The following BEND3 variants were observed in gnomAD, a reference collection of about 807,000 sequenced individuals.
BEND3 encodes BEN domain-containing protein 3.
BEND3 carries 13 observed loss-of-function variants against 60.1 expected under a neutral mutation model. The ratio of observed to expected loss-of-function variants is 0.22; its 90% CI spans 0.14 to 0.34. BEND3 has a LOEUF of 0.34. Ranked by LOEUF, BEND3 falls within the 10% of genes least tolerant of loss-of-function variation. The pLI, the probability that BEND3 is intolerant of heterozygous loss-of-function variation, is 1.00. For synonymous variants in BEND3, 497 were observed against 491.5 expected, an observed-to-expected ratio of 1.01 and a Z score of -0.15; for missense variants, 896 against 1,138.1, an observed-to-expected ratio of 0.79 and a Z score of 3.06.
intron 3 of BEND3, among the ~76,000 whole-genome samples, chr6:107,085,509 T>C (rs1775326309): frequency 1.3e-5 from 2 of 152,158 alleles, no homozygotes; most frequent in African/African-American, 4.8e-5. Flanking sequence ...TATTTTTTTT[T>C]GAGAGAGAGT....
At chr6:107,097,815 A>AC (rs1775619754) in intron 3 of BEND3, among the ~76,000 whole-genome samples, 2 of 148,132 alleles carry the variant, frequency 1.4e-5, no homozygotes, top group African/African-American at 2.5e-5. Context: ...AAAAAAAAAA[A>AC]CCCCAACAAA....
At position 107,098,707 on chromosome 6, in the gene BEND3, A is replaced by T; in HGVS notation, c.84T>A (p.Ala28=). ...TVKVETEAED[A]ALDCSVNSRT... is the part of the protein sequence containing the mutation. Reference sequence around the variant, plus strand: ...TGGAATTCACGGAGCAGTCCAGAGCAGCATCTTCAGCCTCTGTCTCCACTT... The same window carrying T: ...TGGAATTCACGGAGCAGTCCAGAGCTGCATCTTCAGCCTCTGTCTCCACTT... Residue 28 remains alanine (A), a synonymous_variant, in exon 3 of 4, where the codon GCT becomes GCA. Coordinates refer to ENST00000369042, the MANE Select transcript of BEND3 (RefSeq NM_001367314.1). 1 of 1,614,144 alleles carries T rather than the reference A, an allele frequency of 6.2e-7. No homozygotes were observed. Among genetic ancestry groups the T allele is most frequent in the Non-Finnish European group, 8.5e-7 (1 of 1,180,032 alleles).
At chr6:107,100,968 G>A (rs1554236695) in intron 1 of BEND3, among the ~76,000 whole-genome samples, 1 of 152,158 alleles carries the variant, frequency 6.6e-6, no homozygotes, top group African/African-American at 2.4e-5. Context: ...TTGGGAGGCT[G>A]GGGTGGGCGA....
rs781838237 is a variant in BEND3, at chr6:107,069,199, G to A, written c.1992C>T (p.Gly664=). The part of the protein sequence containing the change: ...YQQQRKVHVP[G]PECRDLTSYA... ...AGCTGGTCAAGTCTCTGCACTCAGG[G>A]CCCGGCACGTGGACCTTGCGCTGCT... Residue 664 remains glycine (G), a synonymous_variant, in exon 4 of 4, where the codon GGC becomes GGT. Coordinates refer to ENST00000369042, the MANE Select transcript of BEND3 (RefSeq NM_001367314.1). The A allele has an allele frequency of 1.9e-6, 3 of 1,612,488 alleles. No homozygotes were observed. The highest frequency in any genetic ancestry group is 2.5e-6 in the Non-Finnish European group (3 of 1,180,018).
At chr6:107,083,906 A>T (rs564493529) in intron 3 of BEND3, among the ~76,000 whole-genome samples, 1 of 152,330 alleles carries the variant, frequency 6.6e-6, no homozygotes, top group East Asian at 1.9e-4. Flanking sequence ...TTGGCAACAC[A>T]GCGAGACCCT....
intron 3 of BEND3, among the ~76,000 whole-genome samples, chr6:107,087,673 G>A (rs1775381122): frequency 1.3e-5 from 2 of 151,708 alleles, no homozygotes; most frequent in South Asian, 4.1e-4. Context: ...GGAGGCGGAG[G>A]TTGCAGTGAG....
At position 107,098,647 on chromosome 6, in the gene BEND3, G is replaced by A. The variant is rs148612439; in HGVS notation, c.144C>T (p.Leu48=). ...TSEKHSVDSV[L]TALQDSSKRK... is the part of the protein sequence containing the mutation. ...GTTTGCTGGAGTCCTGCAGGGCAGT[G>A]AGGACGCTGTCCACAGAGTGCTTCT... The change falls in exon 3 of 4, where the codon CTC becomes CTT. Residue 48 remains leucine, a synonymous_variant. Coordinates refer to ENST00000369042, the MANE Select transcript of BEND3 (RefSeq NM_001367314.1). 1.3e-4 allele frequency: 210 copies of A among 1,614,040 alleles called. 1 individual carries two copies. In the African/African-American group the frequency reaches 2.3e-3, roughly 18 times the overall value.
In BEND3 at chr6:107,115,481, G is replaced by T. The variant is rs1482550970; in HGVS notation, c.-403C>A. On this transcript the variant is annotated 5_prime_UTR_variant, in exon 1 of 4. Coordinates refer to ENST00000369042, the MANE Select transcript of BEND3 (RefSeq NM_001367314.1). ...GGGGAGCTCGGGCGCGCACTCCCGG[G>T]ACCCAGGCGGCCCGGCGCGCTCGGC... Among the ~76,000 whole-genome samples the T allele has an allele frequency of 8.2e-5, 12 of 147,124 alleles. No homozygotes were observed. The highest frequency in any genetic ancestry group is 1.7e-4 in the Non-Finnish European group (11 of 66,078).
At chr6:107,086,869 A>G (rs1775359425) in intron 3 of BEND3, among the ~76,000 whole-genome samples, 1 of 151,480 alleles carries the variant, frequency 6.6e-6, no homozygotes. Flanking sequence ...TACTAAAACT[A>G]CAAAAATAAG....
rs1466108885 is a variant in BEND3, at chr6:107,070,490, G to A, written c.701C>T (p.Thr234Ile). 6.2e-7 allele frequency: 1 copy of A among 1,614,000 alleles called. No homozygotes were observed. Among genetic ancestry groups the A allele is most frequent in the Non-Finnish European group, 8.5e-7 (1 of 1,180,034 alleles). The change falls in exon 4 of 4, where the codon ACT becomes ATT. Residue 234 changes from threonine to isoleucine, a missense_variant. This residue lies in a region of BEND3 where 846 missense variants were observed against 1,036.7 expected (regional missense o/e 0.82). Coordinates refer to ENST00000369042, the MANE Select transcript of BEND3 (RefSeq NM_001367314.1). The surrounding 1 kb of genome is among the most constrained non-coding windows in gnomAD (Gnocchi z 6.9). The part of the protein sequence containing the change: ...VSRIKKQVSP[T>I]EMVAKFQPPP... The stretch of plus-strand genomic sequence containing the variant: ...CGGCTGGAATTTGGCCACCATCTCA[G>A]TGGGGCTCACCTGCTTCTTGATGCG...
At position 107,068,943 on chromosome 6, in the gene BEND3, C is replaced by G; in HGVS notation, c.2248G>C (p.Glu750Gln). 6.2e-7 allele frequency: 1 copy of G among 1,613,890 alleles called. No homozygotes were observed. Among genetic ancestry groups the G allele is most frequent in the Non-Finnish European group, 8.5e-7 (1 of 1,180,024 alleles). The change falls in exon 4 of 4, where the codon GAA (glutamate) becomes CAA (glutamine). Residue 750 changes from glutamate to glutamine, a missense_variant. Glu to Gln is a conservative substitution (Grantham distance 29, BLOSUM62 2). Transcript: ENST00000369042. The surrounding 1 kb of genome is among the most constrained non-coding windows in gnomAD (Gnocchi z 5.8). The part of the protein sequence containing the change: ...AARLLVRLFP[E>Q]LFTAENLRLQ... ...CGGAGGTTCTCGGCGGTGAAGAGTT[C>G]GGGAAACAGGCGGACGAGGAGCCGG...
intron 3 of BEND3, among the ~76,000 whole-genome samples, chr6:107,087,992 T>C (rs1554234561): frequency 7.2e-6 from 1 of 138,132 alleles, no homozygotes; most frequent in South Asian, 2.3e-4. Context: ...AACACTGTAA[T>C]AGAAATGAAG....
chr6:107,071,497 C>T (rs1554232073), intron 3 of BEND3, among the ~76,000 whole-genome samples: 1 of 152,124 alleles, frequency 6.6e-6, no homozygotes, highest in African/African-American at 2.4e-5. Context: ...GATGCATGGT[C>T]GGGGCACCTG....
intron 1 of BEND3, among the ~76,000 whole-genome samples, chr6:107,100,623 A>C (rs1775684435): frequency 6.6e-6 from 1 of 152,170 alleles, no homozygotes; most frequent in Admixed American, 6.5e-5. Context: ...GTCTGAAGCA[A>C]AACCTGCCTG....
chr6:107,112,083 G>A (rs1050005030), intron 1 of BEND3, among the ~76,000 whole-genome samples: 2 of 151,860 alleles, frequency 1.3e-5, no homozygotes, highest in Admixed American at 6.6e-5. Flanking sequence ...GTTGGCTAGC[G>A]ACCTTCATAC....
At chr6:107,099,424 G>A (rs1399693974) in intron 1 of BEND3, 128 bp from the exon 2 acceptor site, 1 of 739,064 alleles carries the variant, frequency 1.4e-6, no homozygotes, top group South Asian at 1.7e-5. Flanking sequence ...CAGCACTGTG[G>A]AAGCTATGTG....
intron 1 of BEND3, among the ~76,000 whole-genome samples, chr6:107,113,571 A>C (rs1338953472): frequency 6.6e-6 from 1 of 152,036 alleles, no homozygotes. Flanking sequence ...TTCCTCTAGA[A>C]TCCAAGAGGC....
rs1774835398 is a variant in BEND3 at position 107,066,615 on chromosome 6, T to G, written c.*2089A>C. The G allele has an allele frequency of 6.6e-6, 1 of 152,592 alleles. No individual in the cohort carries two copies. Among genetic ancestry groups the G allele is most frequent in the African/African-American group, 2.4e-5 (1 of 41,454 alleles). The allele number at this position is 152,592 out of a possible 1,614,324, so 9.5% of individuals were successfully genotyped here. On this transcript the variant is annotated 3_prime_UTR_variant, in exon 4 of 4. Transcript: ENST00000369042. The stretch of plus-strand genomic sequence containing the variant: ...GTTGCAGGGTCAACATTCCACCCTC[T>G]AGAAAGCAGGGCAATTCATGGCTTG...
chr6:107,094,102 G>A (rs1195191473), intron 3 of BEND3, among the ~76,000 whole-genome samples: 1 of 152,198 alleles, frequency 6.6e-6, no homozygotes, highest in Non-Finnish European at 1.5e-5. Context: ...CAGGTGTGGT[G>A]GCTCAAGCCT....
Sources: allele counts gnomAD v4.1 joint callset (sites outside exome capture counted in the v4.1 genomes callset), GRCh38; gene constraint gnomAD v4.1.1; regional missense constraint gnomAD v4.1.1; non-coding constraint Gnocchi (gnomAD v3.1); transcripts MANE v1.5; gene names NCBI Gene and HGNC (gene_info 2026-07-23, HGNC 2026-07-21).